Variants in CDC42BPA observed in about 807,000 individuals in gnomAD.
CDC42BPA encodes serine/threonine-protein kinase MRCK alpha.
A neutral mutation model predicts 223.5 loss-of-function variants in CDC42BPA; 80 were observed. The observed-to-expected ratio is 0.36, with a 90% CI of 0.30 to 0.43. CDC42BPA has a LOEUF of 0.43. Ranked by LOEUF, CDC42BPA falls within the 20% of genes least tolerant of loss-of-function variation. The pLI is 1.00. For missense variants in CDC42BPA, 1,743 were observed against 2,099.9 expected, an observed-to-expected ratio of 0.83 and a Z score of 3.32; for synonymous variants, 694 against 718.6, an observed-to-expected ratio of 0.97 and a Z score of 0.55.
In CDC42BPA at chr1:227,016,072, C is replaced by T. The variant is rs1038636583; in HGVS notation, c.4857+8G>A. ...CCCTTTTTTACACTCACTCTTAATTCCTCTTACCATGGGCAGATCTTTCAG... is the reference window on the plus strand; with the variant it reads ...CCCTTTTTTACACTCACTCTTAATTTCTCTTACCATGGGCAGATCTTTCAG... On this transcript the variant is annotated splice_region_variant and intron_variant, in intron 34 of 36. Coordinates refer to ENST00000366766, the MANE Select transcript of CDC42BPA (RefSeq NM_001394014.1). The T allele has an allele frequency of 6.8e-7, 1 of 1,464,366 alleles. No individual in the cohort carries two copies. The highest frequency in any genetic ancestry group is 9.6e-7 in the Non-Finnish European group (1 of 1,045,054). The allele number at this position is 1,464,366 out of a possible 1,614,324, so 90.7% of individuals were successfully genotyped here.
chr1:227,014,383 A>G (rs557178379), intron 34 of CDC42BPA, among the ~76,000 whole-genome samples: 30 of 152,204 alleles, frequency 2.0e-4, no homozygotes, highest in East Asian at 1.9e-4. Flanking sequence ...CTCCACAAAG[A>G]AAAGTATATT....
intron 1 of CDC42BPA, chr1:227,265,284 T>C (rs1343179521): frequency 1.0e-5 from 5 of 501,396 alleles, no homozygotes; most frequent in Admixed American, 6.5e-5. Context: ...AGAAGTTATT[T>C]AGACACAAAA....
intron 1 of CDC42BPA, among the ~76,000 whole-genome samples, chr1:227,266,993 C>G (rs1020732619): frequency 6.6e-6 from 1 of 151,940 alleles, no homozygotes; most frequent in African/African-American, 2.4e-5. Flanking sequence ...TCAGAAAGAG[C>G]AGGAAAACAT....
intron 9 of CDC42BPA, among the ~76,000 whole-genome samples, chr1:227,142,604 A>T (rs1218720959): frequency 1.3e-5 from 2 of 150,506 alleles, no homozygotes; most frequent in African/African-American, 4.9e-5. Flanking sequence ...ATTTGCTTTA[A>T]ATTGTCCAAA....
chr1:227,008,098 A>C lies in CDC42BPA; in HGVS notation c.4858-2987T>G, dbSNP rs1455234419. Among the ~76,000 whole-genome samples, 6 of 152,334 alleles carry C rather than the reference A, an allele frequency of 3.9e-5. No homozygotes were observed. In the East Asian group the frequency reaches 9.6e-4, roughly 24 times the overall value. On this transcript the variant is annotated intron_variant, in intron 34 of 36. Coordinates refer to ENST00000366766, the MANE Select transcript of CDC42BPA (RefSeq NM_001394014.1). ...TCTTATACTGACTGTTATTACAACA[A>C]CACTAAACTCTCCAGCACCTAAAAT...
chr1:227,016,852 C>T, intron 33 of CDC42BPA, 75 bp downstream of exon 33: 3 of 1,393,280 alleles, frequency 2.2e-6, no homozygotes, highest in Non-Finnish European at 2.8e-6. Flanking sequence ...CCTTCCAAAT[C>T]AAATATAGTA....
At chr1:227,238,199 T>C (rs1000673313) in intron 2 of CDC42BPA, among the ~76,000 whole-genome samples, 8 of 151,746 alleles carry the variant, frequency 5.3e-5, no homozygotes, top group African/African-American at 1.9e-4. Context: ...ATTTTTTTTT[T>C]TAATTTTTAA....
chr1:227,225,546 T>C (rs540508912), intron 2 of CDC42BPA, among the ~76,000 whole-genome samples: 1 of 152,322 alleles, frequency 6.6e-6, no homozygotes, highest in Admixed American at 6.5e-5. Flanking sequence ...AATTTAATAG[T>C]TGTTAAGTAT....
intron 35 of CDC42BPA, among the ~76,000 whole-genome samples, chr1:226,998,676 T>C (rs1662127355): frequency 6.6e-6 from 1 of 152,116 alleles, no homozygotes; most frequent in African/African-American, 2.4e-5. Flanking sequence ...ACATAAGATC[T>C]AAAACCATAA....
intron 16 of CDC42BPA, among the ~76,000 whole-genome samples, chr1:227,085,645 T>G (rs1681706749): frequency 6.6e-6 from 1 of 152,218 alleles, no homozygotes; most frequent in South Asian, 2.1e-4. Context: ...AGAGTTTGTC[T>G]GTAATACCCC....
intron 21 of CDC42BPA, among the ~76,000 whole-genome samples, chr1:227,061,169 T>C (rs1248681531): frequency 2.0e-5 from 3 of 152,204 alleles, no homozygotes; most frequent in African/African-American, 7.2e-5. Flanking sequence ...GGTTCAAACC[T>C]AGTTACTTTT....
At chr1:227,148,789 AAAAAAAAAAAG>A (rs1443338742) in intron 6 of CDC42BPA, among the ~76,000 whole-genome samples, 1 of 150,966 alleles carries the variant, frequency 6.6e-6, no homozygotes, top group East Asian at 1.9e-4. Flanking sequence ...AAAAAAAAAA[AAAAAAAAAAAG>A]CTAGATAAAA....
At chr1:227,092,289 T>C (rs1683216738) in intron 15 of CDC42BPA, among the ~76,000 whole-genome samples, 1 of 152,162 alleles carries the variant, frequency 6.6e-6, no homozygotes, top group Non-Finnish European at 1.5e-5. Flanking sequence ...AGAGCTTATA[T>C]TCTGGTAGAG....
intron 23 of CDC42BPA, among the ~76,000 whole-genome samples, chr1:227,040,740 T>A (rs1047742165): frequency 1.2e-4 from 18 of 152,168 alleles, no homozygotes; most frequent in African/African-American, 4.3e-4. Context: ...AGTTTCCTCC[T>A]ATGGAAAGAG....
chr1:227,074,144 T>G, intron 18 of CDC42BPA, 115 bp downstream of exon 18: 1 of 1,337,526 alleles, frequency 7.5e-7, no homozygotes, highest in Non-Finnish European at 1.0e-6. Flanking sequence ...TAAAAAACTC[T>G]TTAGTAGGCT....
chr1:227,039,993 C>A (rs1175455782), intron 24 of CDC42BPA, 138 bp downstream of exon 24: 4 of 655,638 alleles, frequency 6.1e-6, no homozygotes, highest in Non-Finnish European at 1.1e-5. Context: ...ACAGACAACA[C>A]AGATTATTTC....
chr1:227,290,247 A>G (rs541848808), intron 1 of CDC42BPA, among the ~76,000 whole-genome samples: 13 of 152,278 alleles, frequency 8.5e-5, no homozygotes, highest in African/African-American at 2.9e-4. Flanking sequence ...TCTGTTTCAC[A>G]AAACATTAAT....
chr1:227,287,216 A>C (rs1044141705), intron 1 of CDC42BPA, among the ~76,000 whole-genome samples: 2 of 152,156 alleles, frequency 1.3e-5, no homozygotes, highest in Non-Finnish European at 2.9e-5. Flanking sequence ...CAATGCTCCA[A>C]AAGTACTGTT....
At chr1:227,081,404 A>G (rs1488873189) in intron 16 of CDC42BPA, among the ~76,000 whole-genome samples, 1 of 151,872 alleles carries the variant, frequency 6.6e-6, no homozygotes, top group Non-Finnish European at 1.5e-5. Context: ...TAATTTCAAC[A>G]ATGATTACTT....
Sources: allele counts gnomAD v4.1 joint callset (sites outside exome capture counted in the v4.1 genomes callset), GRCh38; gene constraint gnomAD v4.1.1; transcripts MANE v1.5; gene names NCBI Gene and HGNC (gene_info 2026-07-23, HGNC 2026-07-21).